KMT2A: variants seen among roughly 807,000 people sequenced by gnomAD.
KMT2A encodes histone-lysine N-methyltransferase 2A.
A neutral mutation model predicts 345.3 loss-of-function variants in KMT2A; 16 were observed. That is an observed-to-expected ratio of 0.05 (90% CI 0.03 to 0.07). The LOEUF (loss-of-function observed/expected upper bound fraction) is 0.07. Ranked by LOEUF, KMT2A falls within the 10% of genes least tolerant of loss-of-function variation. The pLI, the probability that KMT2A is intolerant of heterozygous loss-of-function variation, is 1.00. For synonymous variants in KMT2A, 1,599 were observed against 1,778.6 expected (o/e 0.90, Z 2.54); for missense variants, 3,272 against 4,841.6 (o/e 0.68, Z 9.62).
chr11:118,518,473 C>T (rs1555052266), intron 31 of KMT2A, among the ~76,000 whole-genome samples: 1 of 152,156 alleles, frequency 6.6e-6, no homozygotes, highest in East Asian at 1.9e-4. Context: ...GGTGTATTAA[C>T]ATTGCTTTTA....
chr11:118,438,434 T>C (rs1348765862), intron 1 of KMT2A, among the ~76,000 whole-genome samples: 1 of 111,644 alleles, frequency 9.0e-6, no homozygotes, highest in African/African-American at 3.5e-5. Context: ...GAGTTCGAAT[T>C]GTAGAGGGGG....
In KMT2A at chr11:118,521,272, T is replaced by G. The variant is rs1950963014; in HGVS notation, c.11514-16T>G. On this transcript the variant is annotated splice_polypyrimidine_tract_variant and intron_variant, in intron 34 of 35. Transcript: ENST00000534358. The surrounding 1 kb of genome is among the most constrained non-coding windows in gnomAD (Gnocchi z 5.3). The stretch of plus-strand genomic sequence containing the variant: ...TGCAAAATTTGTGTCTGACCTCTTT[T>G]CCATCTTTGTCCTAGGTCTCCCATC... The G allele has an allele frequency of 6.2e-6, 10 of 1,612,404 alleles. No homozygotes were observed. Among genetic ancestry groups the G allele is most frequent in the Non-Finnish European group, 8.5e-6 (10 of 1,178,746 alleles).
Position 118,445,322 on chromosome 11 carries a change from C to T in KMT2A, c.432+8378C>T, listed in dbSNP as rs560096677. 8.0e-4 allele frequency among the ~76,000 whole-genome samples: 121 copies of T among 152,154 alleles called. 1 individual carries two copies. The highest frequency in any genetic ancestry group is 2.6e-3 in the African/African-American group (108 of 41,510). ...GATGGTAAATAGGCAAGTAAGATAC[C>T]GAGGAACACAGTGCCTCCATGAGTT... On this transcript the variant is annotated intron_variant, in intron 1 of 35. Coordinates refer to ENST00000534358, the MANE Select transcript of KMT2A (RefSeq NM_001197104.2).
Position 118,493,771 on chromosome 11 carries a change from A to G in KMT2A, c.5179-517A>G, listed in dbSNP as rs1950361935. 6.6e-6 allele frequency among the ~76,000 whole-genome samples: 1 copy of G among 152,094 alleles called. No homozygotes were observed. The highest frequency in any genetic ancestry group is 1.9e-4 in the East Asian group (1 of 5,198). Reference sequence around the variant, plus strand: ...GTTACCCAGGCTGGCATGCAGTGACATGATCTCGGCTCACTGCAACCTCTG... The same window carrying G: ...GTTACCCAGGCTGGCATGCAGTGACGTGATCTCGGCTCACTGCAACCTCTG... On this transcript the variant is annotated intron_variant, in intron 16 of 35. Transcript: ENST00000534358. The surrounding 1 kb of genome is among the most constrained non-coding windows in gnomAD (Gnocchi z 5.8).
chr11:118,504,919 C>T lies in KMT2A; in HGVS notation c.9027C>T (p.Ser3009=), dbSNP rs2134402455. 4 of 1,614,170 alleles carry T rather than the reference C, an allele frequency of 2.5e-6. No individual in the cohort carries two copies. Among genetic ancestry groups the T allele is most frequent in the Non-Finnish European group, 3.4e-6 (4 of 1,180,024 alleles). ...QGHMDADHIS[S]PPCGSVEQGH... is the part of the protein sequence containing the mutation. ...ACATGGATGCAGACCACATCTCTAG[C>T]CCTCCTTGTGGTTCAGTAGAGCAAG... Residue 3009 remains serine, a synonymous_variant, in exon 27 of 36, where the codon AGC becomes AGT. Transcript: ENST00000534358. The surrounding 1 kb of genome is among the most constrained non-coding windows in gnomAD (Gnocchi z 6.4).
chr11:118,470,246 C>T (rs1445927441), intron 2 of KMT2A, among the ~76,000 whole-genome samples: 1 of 152,136 alleles, frequency 6.6e-6, no homozygotes, highest in Non-Finnish European at 1.5e-5. Flanking sequence ...TCAAGTCTAC[C>T]ACAATGGTAA....
chr11:118,438,368 G>A (rs1468272463), intron 1 of KMT2A, among the ~76,000 whole-genome samples: 5 of 151,644 alleles, frequency 3.3e-5, no homozygotes, highest in African/African-American at 1.2e-4. Flanking sequence ...GGGAAGTTGA[G>A]TTCAGGTTCA....
At position 118,490,001 on chromosome 11, in the gene KMT2A, C is replaced by A. The variant is rs1175465472; in HGVS notation, c.4575+114C>A. 7 of 1,416,480 alleles carry A rather than the reference C, an allele frequency of 4.9e-6. No individual in the cohort carries two copies. In the East Asian group the frequency reaches 1.4e-4, roughly 29 times the overall value. 87.7% of individuals were successfully genotyped at this position (1,416,480 alleles called of 1,614,324 possible). A position where few individuals can be genotyped will look rare whatever the true frequency, so the allele number is the denominator to read the frequency against. On this transcript the variant is annotated intron_variant, in intron 12 of 35. Transcript: ENST00000534358. This position sits in a 1 kb window ranked among gnomAD's most constrained non-coding sequence, Gnocchi z 4.2. ...GGATGTCAGTATGACAATCTTTTTG[C>A]CTCATTACTAGGAAATCATCTCAGC...
intron 1 of KMT2A, among the ~76,000 whole-genome samples, chr11:118,458,718 T>C (rs528831980): frequency 6.6e-6 from 1 of 152,356 alleles, no homozygotes; most frequent in Non-Finnish European, 1.5e-5. Context: ...CTTGGTATTT[T>C]GAAGCTTGTA....
At chr11:118,488,141 C>G (rs1950261499) in intron 10 of KMT2A, among the ~76,000 whole-genome samples, 1 of 152,184 alleles carries the variant, frequency 6.6e-6, no homozygotes, top group African/African-American at 2.4e-5. Context: ...GATCGCACCA[C>G]TGCACCCCAG....
chr11:118,507,962 C>A (rs1465540278), intron 28 of KMT2A, among the ~76,000 whole-genome samples: 1 of 151,786 alleles, frequency 6.6e-6, no homozygotes, highest in Non-Finnish European at 1.5e-5. Flanking sequence ...GACTCCGTTT[C>A]CAAAAAAAAG....
chr11:118,519,467 G>T, intron 31 of KMT2A, 151 bp from the exon 32 acceptor site: 1 of 628,814 alleles, frequency 1.6e-6, no homozygotes, highest in Non-Finnish European at 2.9e-6. Context: ...CATTTTAATG[G>T]CTATCTGATG....
chr11:118,437,232 C>T (rs1046575140), intron 1 of KMT2A, among the ~76,000 whole-genome samples: 18 of 151,864 alleles, frequency 1.2e-4, no homozygotes, highest in African/African-American at 7.3e-5. Flanking sequence ...GGTTTCCCAT[C>T]CCGGGACTGA....
chr11:118,512,810 T>G (rs552514608), intron 31 of KMT2A, among the ~76,000 whole-genome samples: 30 of 152,168 alleles, frequency 2.0e-4, no homozygotes, highest in Middle Eastern at 3.4e-3. Flanking sequence ...TTTGTTTTTT[T>G]TTTTTTATTT....
chr11:118,501,509 T>G (rs1950500144), intron 25 of KMT2A, among the ~76,000 whole-genome samples, 163 bp from the exon 26 acceptor site: 1 of 151,980 alleles, frequency 6.6e-6, no homozygotes, highest in Non-Finnish European at 1.5e-5. Flanking sequence ...TTGAATTCGA[T>G]TCAGGGAGTA....
In KMT2A at chr11:118,472,291, A is replaced by C; in HGVS notation, c.1132A>C (p.Arg378=). The C allele has an allele frequency of 6.2e-7, 1 of 1,614,180 alleles. No homozygotes were observed. Among genetic ancestry groups the C allele is most frequent in the East Asian group, 2.2e-5 (1 of 44,884 alleles). Residue 378 remains arginine, a synonymous_variant, in exon 3 of 36, where the codon AGG becomes CGG. Coordinates refer to ENST00000534358, the MANE Select transcript of KMT2A (RefSeq NM_001197104.2). ...DATIAKQLLQ[R]AKKGAQKKIE... is the part of the protein sequence containing the mutation. ...AACCATTGCTAAGCAACTCTTACAG[A>C]GGGCAAAAAAGGGGGCTCAAAAGAA...
In KMT2A at chr11:118,482,485, C is replaced by A; in HGVS notation, c.4076C>A (p.Pro1359Gln). 1 of 1,610,692 alleles carries A rather than the reference C, an allele frequency of 6.2e-7. No individual in the cohort carries two copies. The highest frequency in any genetic ancestry group is 8.5e-7 in the Non-Finnish European group (1 of 1,177,298). Residue 1359 changes from proline to glutamine, a missense_variant, in exon 8 of 36, where the codon CCA becomes CAA. Pro to Gln is a moderately conservative substitution (Grantham distance 76). Coordinates refer to ENST00000534358, the MANE Select transcript of KMT2A (RefSeq NM_001197104.2). Reference sequence around the variant, plus strand: ...CCAAGTATCCCTGTAAAACAAAAACCAAAAGAAAAGGTGAGGAGAGATTTG... The same window carrying A: ...CCAAGTATCCCTGTAAAACAAAAACAAAAAGAAAAGGTGAGGAGAGATTTG... ...PRPSIPVKQK[P>Q]KEKEKPPPVN...
At chr11:118,451,581 G>A (rs1258986964) in intron 1 of KMT2A, among the ~76,000 whole-genome samples, 4 of 151,796 alleles carry the variant, frequency 2.6e-5, no homozygotes, top group Middle Eastern at 3.2e-3. Context: ...TAGAGACGGG[G>A]TTTCACCATG....
rs1950393750 is a variant in KMT2A, at chr11:118,495,461, T to C, written c.5364-239T>C. On this transcript the variant is annotated intron_variant, in intron 18 of 35. Coordinates refer to ENST00000534358, the MANE Select transcript of KMT2A (RefSeq NM_001197104.2). This position sits in a 1 kb window ranked among gnomAD's most constrained non-coding sequence, Gnocchi z 4.1. ...CATGAGCCACCATGCCCGGCCTCTT[T>C]TGAGTTTTTGATAGGGTTATCATTT... is the stretch of plus-strand genomic sequence containing the variant. 6.6e-6 allele frequency among the ~76,000 whole-genome samples: 1 copy of C among 152,092 alleles called. No homozygotes were observed. The highest frequency in any genetic ancestry group is 2.4e-5 in the African/African-American group (1 of 41,408).
Sources: allele counts gnomAD v4.1 joint callset (sites outside exome capture counted in the v4.1 genomes callset), GRCh38; gene constraint gnomAD v4.1.1; non-coding constraint Gnocchi (gnomAD v3.1); transcripts MANE v1.5; gene names NCBI Gene and HGNC (gene_info 2026-07-23, HGNC 2026-07-21).